Variants in UBR3 observed in about 807,000 individuals in gnomAD.
UBR3 encodes the protein ubiquitin protein ligase E3 component n-recognin 3.
UBR3 carries 85 observed loss-of-function variants against 243.2 expected under a neutral mutation model. The ratio of observed to expected loss-of-function variants is 0.35; its 90% CI spans 0.29 to 0.42. The LOEUF (loss-of-function observed/expected upper bound fraction) is 0.42. Ranked by LOEUF, UBR3 falls within the 10% of genes least tolerant of loss-of-function variation. The pLI is 1.00. For missense variants in UBR3, 1,686 were observed against 2,300.8 expected (o/e 0.73, Z 5.47); for synonymous variants, 748 against 799.8 (o/e 0.94, Z 1.09).
At chr2:170,052,333 G>A (rs1208196094) in intron 32 of UBR3, among the ~76,000 whole-genome samples, 1 of 152,128 alleles carries the variant, frequency 6.6e-6, no homozygotes, top group Non-Finnish European at 1.5e-5. Context: ...TCATCCAGTA[G>A]TCCCACTTCT....
intron 1 of UBR3, among the ~76,000 whole-genome samples, chr2:169,829,112 A>G (rs1299768841): frequency 6.6e-6 from 1 of 152,214 alleles, no homozygotes; most frequent in Non-Finnish European, 1.5e-5. Flanking sequence ...AGGATTAATG[A>G]CAGAGTACAA....
intron 24 of UBR3, among the ~76,000 whole-genome samples, chr2:169,973,489 G>A (rs1008419572): frequency 2.0e-5 from 3 of 151,828 alleles, no homozygotes; most frequent in Admixed American, 2.0e-4. Flanking sequence ...CAAAGCTGGA[G>A]GCATCACACT....
intron 1 of UBR3, 25 bp from the exon 2 acceptor site, chr2:169,872,211 A>T: frequency 6.9e-7 from 1 of 1,448,518 alleles, no homozygotes; most frequent in Non-Finnish European, 9.3e-7. Flanking sequence ...CATTACTGTT[A>T]ATTTTTTTCT....
At chr2:169,994,926 A>T (rs1466771861) in intron 26 of UBR3, among the ~76,000 whole-genome samples, 1 of 152,126 alleles carries the variant, frequency 6.6e-6, no homozygotes, top group Non-Finnish European at 1.5e-5. Context: ...GGTATGAGTC[A>T]GTATGGGTGT....
intron 33 of UBR3, among the ~76,000 whole-genome samples, chr2:170,056,200 G>T (rs1354727639): frequency 2.0e-5 from 3 of 151,524 alleles, no homozygotes; most frequent in Non-Finnish European, 2.9e-5. Context: ...TAGAGACAGG[G>T]TTTCACCATG....
Position 169,971,710 on chromosome 2 carries a change from G to T in UBR3, c.3634+13184G>T, listed in dbSNP as rs140364190. Among the ~76,000 whole-genome samples the T allele has an allele frequency of 5.2e-3, 784 of 152,196 alleles. 1 individual carries two copies. Among genetic ancestry groups the T allele is most frequent in the Non-Finnish European group, 8.1e-3 (551 of 67,996 alleles). On this transcript the variant is annotated intron_variant, in intron 24 of 38. Coordinates refer to ENST00000272793, the MANE Select transcript of UBR3 (RefSeq NM_172070.4). ...ATCTCTGTTTTGGTACCAGTACCAT[G>T]CTGTTTTGGTTACTGTAGCCAACAT... is the stretch of plus-strand genomic sequence containing the variant.
At chr2:169,988,685 C>T (rs1295463605) in intron 25 of UBR3, among the ~76,000 whole-genome samples, 2 of 151,916 alleles carry the variant, frequency 1.3e-5, no homozygotes, top group East Asian at 3.9e-4. Flanking sequence ...ACCTGTGGTC[C>T]CAGCTACTCA....
At chr2:169,981,759 T>G (rs537371538) in intron 24 of UBR3, among the ~76,000 whole-genome samples, 16 of 151,828 alleles carry the variant, frequency 1.1e-4, no homozygotes, top group East Asian at 5.8e-4. Flanking sequence ...GATGAAACTG[T>G]GGGGGGGAGG....
intron 29 of UBR3, among the ~76,000 whole-genome samples, chr2:170,009,222 T>G (rs2090012910): frequency 6.6e-6 from 1 of 152,130 alleles, no homozygotes; most frequent in Admixed American, 6.5e-5. Flanking sequence ...CTCGAACATG[T>G]GAGTATTATC....
intron 25 of UBR3, among the ~76,000 whole-genome samples, chr2:169,987,872 T>C (rs1279527777): frequency 6.8e-6 from 1 of 147,766 alleles, no homozygotes; most frequent in African/African-American, 2.5e-5. Context: ...GTTTACTTAC[T>C]GTGGCCAAAT....
intron 24 of UBR3, among the ~76,000 whole-genome samples, chr2:169,982,593 A>G (rs1368837940): frequency 2.6e-5 from 4 of 152,140 alleles, no homozygotes; most frequent in African/African-American, 9.7e-5. Context: ...AGTAGATATT[A>G]AAGATAAAAA....
chr2:169,969,802 G>A (rs993736151), intron 24 of UBR3, among the ~76,000 whole-genome samples: 43 of 132,714 alleles, frequency 3.2e-4, no homozygotes, highest in African/African-American at 7.7e-4. Context: ...GCCCACCTCC[G>A]CCTCCCAAAG....
intron 4 of UBR3, 46 bp from the exon 5 acceptor site, chr2:169,878,479 A>G (rs907195219): frequency 3.3e-6 from 5 of 1,508,648 alleles, no homozygotes; most frequent in African/African-American, 1.4e-5. Flanking sequence ...AAATAAAGCA[A>G]TATGTAGCAA....
chr2:169,834,692 C>T (rs1225679512), intron 1 of UBR3, among the ~76,000 whole-genome samples: 6 of 151,984 alleles, frequency 3.9e-5, no homozygotes, highest in Non-Finnish European at 8.8e-5. Flanking sequence ...TATCAGATAC[C>T]TTATAATTTA....
chr2:169,912,559 A>G (rs2085295240), intron 10 of UBR3, among the ~76,000 whole-genome samples: 1 of 152,214 alleles, frequency 6.6e-6, no homozygotes, highest in Admixed American at 6.5e-5. Context: ...TTGTCTGGCT[A>G]ATATTTCATT....
intron 33 of UBR3, among the ~76,000 whole-genome samples, chr2:170,059,414 AACTT>A (rs2091410336): frequency 6.6e-6 from 1 of 152,212 alleles, no homozygotes; most frequent in Non-Finnish European, 1.5e-5. Context: ...CATTTAGAGA[AACTT>A]AACTATGCCA....
intron 1 of UBR3, among the ~76,000 whole-genome samples, chr2:169,838,444 T>G (rs977847568): frequency 8.6e-6 from 1 of 116,832 alleles, no homozygotes; most frequent in African/African-American, 3.3e-5. Flanking sequence ...TGTGTGTGTG[T>G]GTGTCTGGTG....
chr2:170,066,023 CTA>C (rs965385212), intron 35 of UBR3, among the ~76,000 whole-genome samples: 3 of 148,102 alleles, frequency 2.0e-5, no homozygotes, highest in African/African-American at 7.5e-5. Flanking sequence ...GTTATGTTTT[CTA>C]TGTGTCGCTA....
At chr2:169,924,059 G>A in intron 12 of UBR3, 25 bp from the exon 13 acceptor site, 1 of 1,525,994 alleles carries the variant, frequency 6.6e-7, no homozygotes. Flanking sequence ...AATTGAATTA[G>A]TAACTTTTTT....
Sources: gnomAD v4.1 joint callset for allele counts (sites outside exome capture counted in the v4.1 genomes callset) on GRCh38, gnomAD v4.1.1 for gene constraint, MANE v1.5 for transcripts, NCBI Gene and HGNC (gene_info 2026-07-23, HGNC 2026-07-21) for gene names.